PPM1A: variants seen among roughly 807,000 people sequenced by gnomAD.
PPM1A encodes the protein protein phosphatase, Mg2+/Mn2+ dependent 1A, also known as protein phosphatase 1A.
In PPM1A, 7 loss-of-function variants were observed where a neutral mutation model predicts 35.0. The ratio of observed to expected loss-of-function variants is 0.20; its 90% CI spans 0.11 to 0.38. The LOEUF is 0.38. PPM1A is among the 10% of genes least tolerant of loss of function. The pLI, the probability that PPM1A is intolerant of heterozygous loss-of-function variation, is 1.00. For synonymous variants in PPM1A, 153 were observed against 167.3 expected (o/e 0.91, Z 0.66); for missense variants, 239 against 467.8 (o/e 0.51, Z 4.51).
At chr14:60,271,445 A>C (rs1057503374) in intron 1 of PPM1A, among the ~76,000 whole-genome samples, 1 of 152,206 alleles carries the variant, frequency 6.6e-6, no homozygotes, top group African/African-American at 2.4e-5. Context: ...AGTGAGGCAG[A>C]CATATTAGTC....
intron 1 of PPM1A, among the ~76,000 whole-genome samples, chr14:60,257,174 GAT>G (rs1005096070): frequency 2.0e-5 from 3 of 152,094 alleles, no homozygotes; most frequent in African/African-American, 7.2e-5. Context: ...GCAACCCACT[GAT>G]ATAAATTATT....
At chr14:60,276,948 G>A in intron 1 of PPM1A, 6 of 806,200 alleles carry the variant, frequency 7.4e-6, no homozygotes, top group Non-Finnish European at 9.6e-6. Flanking sequence ...GGTACAAAAT[G>A]TTCATGAAAT....
intron 1 of PPM1A, among the ~76,000 whole-genome samples, chr14:60,251,560 C>G (rs1387766641): frequency 2.0e-5 from 3 of 152,268 alleles, no homozygotes; most frequent in African/African-American, 4.8e-5. Context: ...ATCAGTAAAG[C>G]CAGTTGGGCA....
Position 60,282,836 on chromosome 14 carries a change from G to A in PPM1A, c.133G>A (p.Gly45Ser), listed in dbSNP as rs758458583. 2.5e-6 allele frequency: 4 copies of A among 1,614,218 alleles called. No individual in the cohort carries two copies. Among genetic ancestry groups the A allele is most frequent in the African/African-American group, 1.3e-5 (1 of 75,062 alleles). Residue 45 changes from glycine (G) to serine (S), a missense_variant, in exon 2 of 6, where the codon GGT becomes AGT. This residue lies in a region of PPM1A where 175 missense variants were observed against 389.2 expected (regional missense o/e 0.45). Coordinates refer to ENST00000395076, the MANE Select transcript of PPM1A (RefSeq NM_021003.5). The surrounding 1 kb of genome is among the most constrained non-coding windows in gnomAD (Gnocchi z 5.1). ...EMEDAHTAVI[G>S]LPSGLESWSF... ...GGAGGATGCACATACGGCTGTGATC[G>A]GTTTGCCAAGTGGACTTGAATCGTG...
chr14:60,249,883 T>TGGCGGGGA lies in PPM1A; in HGVS notation c.-21+214_-21+221dup, dbSNP rs1882145301. On this transcript the variant is annotated intron_variant, in intron 1 of 5. Coordinates refer to ENST00000395076, the MANE Select transcript of PPM1A (RefSeq NM_021003.5). This position sits in a 1 kb window ranked among gnomAD's most constrained non-coding sequence, Gnocchi z 4.5. ...AGGGGTTAACGCTCGGCGAGGGCGG[T>TGGCGGGGA]GGCGGGGAGGCGGGGGCGGGGTGTT... 6.9e-6 allele frequency among the ~76,000 whole-genome samples: 1 copy of TGGCGGGGA among 144,384 alleles called. No individual in the cohort carries two copies. Among genetic ancestry groups the TGGCGGGGA allele is most frequent in the Non-Finnish European group, 1.5e-5 (1 of 65,470 alleles). 94.7% of individuals were successfully genotyped at this position (144,384 alleles called of 152,430 possible).
chr14:60,262,722 A>C (rs1398338160), intron 1 of PPM1A, among the ~76,000 whole-genome samples: 1 of 152,092 alleles, frequency 6.6e-6, no homozygotes, highest in African/African-American at 2.4e-5. Flanking sequence ...TCTACCTCTG[A>C]ACATGTGGGG....
chr14:60,252,617 C>T (rs1361604062), intron 1 of PPM1A, among the ~76,000 whole-genome samples: 15 of 152,144 alleles, frequency 9.9e-5, no homozygotes. Context: ...TCTTCCATCT[C>T]AAATAACAAA....
Position 60,295,774 on chromosome 14 carries a change from T to C in PPM1A, c.*3292T>C, listed in dbSNP as rs1056307183. On this transcript the variant is annotated 3_prime_UTR_variant, in exon 6 of 6. Transcript: ENST00000395076. ...ACTCATCAAAAAATATATATATATA[T>C]CTATTGCCCACCTGCTATCTACCAG... 4 of 151,586 alleles carry C rather than the reference T, an allele frequency of 2.6e-5. No homozygotes were observed. In the South Asian group the frequency reaches 8.3e-4, roughly 31 times the overall value. The allele number at this position is 151,586 out of a possible 1,614,324, so 9.4% of individuals were successfully genotyped here. A position where few individuals can be genotyped will look rare whatever the true frequency, so the allele number is the denominator to read the frequency against.
At chr14:60,272,690 CAAAAAAAAAAAAAAA>C (rs34892158) in intron 1 of PPM1A, among the ~76,000 whole-genome samples, 1 of 68,598 alleles carries the variant, frequency 1.5e-5, no homozygotes, top group Non-Finnish European at 2.8e-5. Flanking sequence ...GACTCTGTCT[CAAAAAAAAAAAAAAA>C]AAAAAAAAAA....
At chr14:60,279,167 A>G (rs1886097392) in intron 1 of PPM1A, among the ~76,000 whole-genome samples, 1 of 152,174 alleles carries the variant, frequency 6.6e-6, no homozygotes, top group Admixed American at 6.5e-5. Flanking sequence ...TGCCCGGGCT[A>G]GAGTGCAATG....
intron 1 of PPM1A, among the ~76,000 whole-genome samples, chr14:60,259,578 C>A (rs1883515825): frequency 6.6e-6 from 1 of 152,036 alleles, no homozygotes; most frequent in East Asian, 1.9e-4. Flanking sequence ...TTGGATAAGA[C>A]ACTTTCTGTC....
intron 1 of PPM1A, among the ~76,000 whole-genome samples, chr14:60,276,531 T>G (rs1885780747): frequency 6.6e-6 from 1 of 152,188 alleles, no homozygotes; most frequent in African/African-American, 2.4e-5. Context: ...TAAGAATAAC[T>G]CTGGTATTTG....
chr14:60,259,242 C>T (rs1883481773), intron 1 of PPM1A, among the ~76,000 whole-genome samples: 1 of 151,966 alleles, frequency 6.6e-6, no homozygotes, highest in Admixed American at 6.6e-5. Flanking sequence ...TGCTTTTGGT[C>T]ATTTTTTTCA....
At chr14:60,251,566 G>A (rs753401615) in intron 1 of PPM1A, among the ~76,000 whole-genome samples, 9 of 152,104 alleles carry the variant, frequency 5.9e-5, no homozygotes, top group Non-Finnish European at 1.0e-4. Context: ...AAAGCCAGTT[G>A]GGCAGATTAT....
chr14:60,286,756 T>C (rs1165900722), intron 3 of PPM1A: 3 of 982,704 alleles, frequency 3.1e-6, no homozygotes, highest in South Asian at 9.4e-5. Flanking sequence ...TTTTGTTCTT[T>C]AGTACTGTCT....
rs1274071664 is a variant in PPM1A, at chr14:60,294,180, T to C, written c.*1698T>C. 1 of 151,626 alleles carries C rather than the reference T, an allele frequency of 6.6e-6. No individual in the cohort carries two copies. The highest frequency in any genetic ancestry group is 1.5e-5 in the Non-Finnish European group (1 of 67,790). The allele number at this position is 151,626 out of a possible 1,614,324, so 9.4% of individuals were successfully genotyped here. On this transcript the variant is annotated 3_prime_UTR_variant, in exon 6 of 6. Transcript: ENST00000395076. The stretch of plus-strand genomic sequence containing the variant: ...TAAAATTAATGTAAAGTTAGGGGAG[T>C]AGTGGGGAAAGTAATGTGAAATGTC...
chr14:60,290,248 G>A (rs560682809), intron 4 of PPM1A, among the ~76,000 whole-genome samples: 3 of 152,174 alleles, frequency 2.0e-5, no homozygotes, highest in African/African-American at 7.2e-5. Context: ...TCTAAGTGTC[G>A]TTGTTAGTAG....
chr14:60,288,390 C>T (rs1887262218), intron 3 of PPM1A: 50 of 983,396 alleles, frequency 5.1e-5, no homozygotes, highest in Non-Finnish European at 5.7e-5. Context: ...ATTGGCTTAG[C>T]GGAGACTGTA....
At chr14:60,246,992 C>T (rs1290696950), upstream of PPM1A, among the ~76,000 whole-genome samples, 2 of 152,182 alleles carry the variant, frequency 1.3e-5, no homozygotes, top group African/African-American at 4.8e-5. Flanking sequence ...GATAGGCAGG[C>T]ATTTCAAGTT....
Sources: allele counts gnomAD v4.1 joint callset (sites outside exome capture counted in the v4.1 genomes callset), GRCh38; gene constraint gnomAD v4.1.1; regional missense constraint gnomAD v4.1.1; non-coding constraint Gnocchi (gnomAD v3.1); transcripts MANE v1.5; gene names NCBI Gene and HGNC (gene_info 2026-07-23, HGNC 2026-07-21).